The following RARB variants were observed in gnomAD, a reference collection of about 807,000 sequenced individuals.
The protein encoded by RARB is HBV-activated protein.
A neutral mutation model predicts 51.9 loss-of-function variants in RARB; 17 were observed. That is an observed-to-expected ratio of 0.33 (90% CI 0.22 to 0.49). RARB has a LOEUF of 0.49. RARB is among the 20% of genes least tolerant of loss of function. RARB has a pLI of 0.99. For synonymous variants in RARB, 215 were observed against 195.4 expected, an observed-to-expected ratio of 1.10 and a Z score of -0.84; for missense variants, 369 against 550.8, an observed-to-expected ratio of 0.67 and a Z score of 3.30.
intron 5 of RARB, among the ~76,000 whole-genome samples, chr3:25,274,721 C>T (rs531214920): frequency 6.6e-4 from 100 of 152,292 alleles, no homozygotes; most frequent in Non-Finnish European, 1.1e-3. Context: ...CTTTCTTCCG[C>T]ATGTCCCCTT....
At chr3:25,230,098 C>T (rs1467300233) in intron 5 of RARB, among the ~76,000 whole-genome samples, 2 of 152,044 alleles carry the variant, frequency 1.3e-5, no homozygotes, top group African/African-American at 4.8e-5. Context: ...CTAGGAAGTT[C>T]TGGTATTAAT....
intron 5 of RARB, among the ~76,000 whole-genome samples, chr3:25,375,945 C>T (rs1386636540): frequency 6.6e-6 from 1 of 152,178 alleles, no homozygotes; most frequent in Non-Finnish European, 1.5e-5. Context: ...CCCCATGGTT[C>T]AATTTCCTCA....
chr3:25,554,686 C>T (rs1411026984), intron 3 of RARB, among the ~76,000 whole-genome samples: 1 of 152,168 alleles, frequency 6.6e-6, no homozygotes, highest in East Asian at 1.9e-4. Context: ...CGGCCTTAGT[C>T]TGTTTTCTGT....
At chr3:25,030,753 T>C (rs530261724) in intron 2 of RARB, among the ~76,000 whole-genome samples, 8 of 152,230 alleles carry the variant, frequency 5.3e-5, no homozygotes, top group Non-Finnish European at 7.3e-5. Flanking sequence ...ACTTGTGTCA[T>C]GTTCGGGTGC....
intron 4 of RARB, among the ~76,000 whole-genome samples, chr3:25,151,668 G>C (rs888488191): frequency 1.3e-5 from 2 of 152,194 alleles, no homozygotes; most frequent in Non-Finnish European, 1.5e-5. Context: ...GTGCCAGTCT[G>C]TTTCCTGTTT....
chr3:25,440,487 TCCAGG>T (rs1368828815), intron 1 of RARB, among the ~76,000 whole-genome samples: 1 of 149,866 alleles, frequency 6.7e-6, no homozygotes, highest in East Asian at 2.0e-4. Context: ...AAAAAAAAAA[TCCAGG>T]CCAGGCATGG....
chr3:25,144,247 T>C (rs896981442), intron 4 of RARB, among the ~76,000 whole-genome samples: 1 of 152,162 alleles, frequency 6.6e-6, no homozygotes, highest in African/African-American at 2.4e-5. Flanking sequence ...AAAAACCTTC[T>C]AGACCAGTAC....
intron 3 of RARB, among the ~76,000 whole-genome samples, chr3:25,077,847 C>T (rs922952611): frequency 1.1e-4 from 17 of 152,066 alleles, no homozygotes; most frequent in African/African-American, 3.1e-4. Flanking sequence ...TTCTCACCAA[C>T]GTGCATTATT....
chr3:25,290,542 C>T (rs1173045449), intron 5 of RARB, among the ~76,000 whole-genome samples: 3 of 152,192 alleles, frequency 2.0e-5, no homozygotes, highest in Non-Finnish European at 4.4e-5. Flanking sequence ...AACACGCCTT[C>T]ATGACTGGGG....
intron 5 of RARB, among the ~76,000 whole-genome samples, chr3:25,243,234 T>A (rs1028022667): frequency 5.3e-5 from 8 of 152,208 alleles, no homozygotes; most frequent in African/African-American, 1.9e-4. Flanking sequence ...TTTCTAAATA[T>A]ACAATCATGT....
chr3:25,594,058 A>T (rs764129524), intron 6 of RARB, among the ~76,000 whole-genome samples: 2 of 152,184 alleles, frequency 1.3e-5, no homozygotes, highest in Non-Finnish European at 2.9e-5. Flanking sequence ...GGGTAGGCAT[A>T]CAAGTATTTG....
Position 24,947,467 on chromosome 3 carries a change from C to T in RARB, c.-380+88715C>T, listed in dbSNP as rs140922275. Among the ~76,000 whole-genome samples, 33 of 152,234 alleles carry T rather than the reference C, an allele frequency of 2.2e-4. No individual in the cohort carries two copies. In the East Asian group the frequency reaches 3.3e-3, roughly 15 times the overall value. On this transcript the variant is annotated intron_variant, in intron 2 of 11. Transcript: ENST00000383772. ...TGTTGTTTCATTTTGAGAAGTAGAA[C>T]GTGTGTAAATCATGAAGTTGGGCTA...
intron 4 of RARB, among the ~76,000 whole-genome samples, chr3:25,153,966 C>T (rs549896168): frequency 2.7e-4 from 41 of 152,308 alleles, no homozygotes; most frequent in Admixed American, 2.4e-3. Flanking sequence ...AATATGTTGT[C>T]TCTAAAGAGG....
At chr3:25,077,105 C>T (rs551002186) in intron 3 of RARB, among the ~76,000 whole-genome samples, 3 of 152,330 alleles carry the variant, frequency 2.0e-5, no homozygotes, top group Admixed American at 6.5e-5. Context: ...TGGTCCTCCC[C>T]ATATGGTCAA....
At chr3:25,314,866 C>A (rs1017038215) in intron 5 of RARB, among the ~76,000 whole-genome samples, 1 of 152,080 alleles carries the variant, frequency 6.6e-6, no homozygotes, top group Admixed American at 6.6e-5. Context: ...CTCTTGTAGT[C>A]CACAGTGTCT....
At chr3:25,397,453 C>G (rs925555951) in intron 5 of RARB, among the ~76,000 whole-genome samples, 1 of 152,158 alleles carries the variant, frequency 6.6e-6, no homozygotes, top group Non-Finnish European at 1.5e-5. Flanking sequence ...TTCAGTTTTT[C>G]TGGTATGTTT....
chr3:25,191,775 C>T (rs572764101), intron 5 of RARB, among the ~76,000 whole-genome samples: 1 of 152,208 alleles, frequency 6.6e-6, no homozygotes, highest in African/African-American at 2.4e-5. Context: ...ATTAAAATAT[C>T]TATAATCCAG....
At chr3:25,551,379 G>A (rs1431623673) in intron 3 of RARB, among the ~76,000 whole-genome samples, 1 of 152,174 alleles carries the variant, frequency 6.6e-6, no homozygotes, top group Non-Finnish European at 1.5e-5. Flanking sequence ...GAGGGAGTGA[G>A]TTTGAGAAAC....
chr3:24,994,954 G>T (rs900075456), intron 2 of RARB, among the ~76,000 whole-genome samples: 13 of 152,042 alleles, frequency 8.6e-5, no homozygotes, highest in Admixed American at 1.3e-4. Flanking sequence ...TTTTGCTCAG[G>T]AATGTTTTGA....
Sources: gnomAD v4.1 joint callset for allele counts (sites outside exome capture counted in the v4.1 genomes callset) on GRCh38, gnomAD v4.1.1 for gene constraint, MANE v1.5 for transcripts, NCBI Gene and HGNC (gene_info 2026-07-23, HGNC 2026-07-21) for gene names.